Variants in CDH18 observed in about 807,000 individuals in gnomAD.
CDH18 encodes the protein cadherin-18.
Under a neutral mutation model 67.9 loss-of-function variants are expected in CDH18, and 31 were observed. The observed-to-expected ratio is 0.46, with a 90% CI of 0.34 to 0.62. The LOEUF (loss-of-function observed/expected upper bound fraction) is 0.62, where lower values mean the gene tolerates loss of function less well. Among genes scored for constraint, CDH18 ranks in the 20% least tolerant of loss-of-function variants. The pLI is 0.01. For synonymous variants in CDH18, 362 were observed against 347.2 expected (o/e 1.04, Z -0.48); for missense variants, 890 against 975.5 (o/e 0.91, Z 1.17).
chr5:20,249,035 A>G (rs1580580297), intron 2 of CDH18, among the ~76,000 whole-genome samples: 1 of 152,318 alleles, frequency 6.6e-6, no homozygotes, highest in Admixed American at 6.5e-5. Flanking sequence ...AAAGTCATAT[A>G]GAAATAAACA....
chr5:19,752,150 A>C (rs924376076), intron 3 of CDH18, among the ~76,000 whole-genome samples: 2 of 152,174 alleles, frequency 1.3e-5, no homozygotes, highest in South Asian at 2.1e-4. Context: ...AGCAAAATAC[A>C]GGGGTAGAGG....
intron 7 of CDH18, among the ~76,000 whole-genome samples, chr5:19,582,755 G>A (rs1211782087): frequency 1.3e-5 from 2 of 151,838 alleles, no homozygotes; most frequent in Non-Finnish European, 2.9e-5. Context: ...ATTCACAATG[G>A]GTTGGGATGA....
intron 2 of CDH18, among the ~76,000 whole-genome samples, chr5:20,163,947 T>C (rs1736087992): frequency 6.6e-6 from 1 of 152,194 alleles, no homozygotes; most frequent in African/African-American, 2.4e-5. Flanking sequence ...ATAATACTTA[T>C]CACTGAAGAT....
At chr5:19,604,581 T>C (rs1460851472) in intron 6 of CDH18, among the ~76,000 whole-genome samples, 1 of 146,388 alleles carries the variant, frequency 6.8e-6, no homozygotes, top group Non-Finnish European at 1.5e-5. Flanking sequence ...ACACACAAAG[T>C]ATTCTGAGAT....
chr5:19,473,312 C>T lies in CDH18; in HGVS notation c.2287G>A (p.Asp763Asn), dbSNP rs754373165. The change falls in exon 13 of 13, where the codon GAT becomes AAT. Residue 763 changes from aspartate (D) to asparagine (N), a missense_variant. By Grantham distance (23) the Asp-to-Asn change is conservative. Transcript: ENST00000382275. ...LDSATTQSDQ[D>N]YHYLGDWGPE... is the part of the protein sequence containing the mutation. ...CCCCAGTCTCCAAGGTAGTGATAAT[C>T]CTGGTCTGATTGTGTCGTTGCTGAA... is the stretch of plus-strand genomic sequence containing the variant. The T allele has an allele frequency of 6.2e-6, 10 of 1,613,820 alleles. No homozygotes were observed. Among genetic ancestry groups the T allele is most frequent in the African/African-American group, 1.3e-5 (1 of 74,996 alleles).
intron 2 of CDH18, among the ~76,000 whole-genome samples, chr5:20,216,625 A>G (rs1337983077): frequency 6.6e-6 from 1 of 151,906 alleles, no homozygotes; most frequent in Non-Finnish European, 1.5e-5. Flanking sequence ...ATGATTTTTC[A>G]TAAGATTTTA....
Position 20,516,889 on chromosome 5 carries a change from A to G in CDH18, c.-580+58573T>C, listed in dbSNP as rs79200632. ...ATGTTGACAAATTACGTGTTTTCAA[A>G]TCTTGAAGACAAGTTCAAGTGTGAT... On this transcript the variant is annotated intron_variant, in intron 1 of 14. Transcript: ENST00000507958. Among the ~76,000 whole-genome samples, 1,037 of 152,062 alleles carry G rather than the reference A, an allele frequency of 6.8e-3. 12 individuals are homozygous for G. The highest frequency in any genetic ancestry group is 0.022 in the African/African-American group (904 of 41,554).
intron 1 of CDH18, among the ~76,000 whole-genome samples, chr5:20,288,673 A>T (rs1746871708): frequency 6.6e-6 from 1 of 151,800 alleles, no homozygotes; most frequent in African/African-American, 2.4e-5. Context: ...ATTTAATTTG[A>T]TCATAATAGA....
intron 2 of CDH18, among the ~76,000 whole-genome samples, chr5:20,004,674 A>G (rs1471179403): frequency 6.6e-6 from 1 of 152,222 alleles, no homozygotes; most frequent in Non-Finnish European, 1.5e-5. Context: ...AAGATGTCAA[A>G]CCTTTATAAA....
intron 3 of CDH18, among the ~76,000 whole-genome samples, chr5:19,747,986 G>T (rs1218168011): frequency 2.0e-5 from 3 of 150,002 alleles, no homozygotes; most frequent in African/African-American, 7.3e-5. Flanking sequence ...GGTGGCGGGC[G>T]CCTGTAGTCC....
At chr5:20,251,418 T>C (rs1296073139) in intron 2 of CDH18, among the ~76,000 whole-genome samples, 1 of 152,204 alleles carries the variant, frequency 6.6e-6, no homozygotes, top group Non-Finnish European at 1.5e-5. Flanking sequence ...ATTAGATAAT[T>C]AAGCCATGTA....
At chr5:20,543,310 A>AT (rs1368427527) in intron 1 of CDH18, among the ~76,000 whole-genome samples, 1 of 151,910 alleles carries the variant, frequency 6.6e-6, no homozygotes, top group Non-Finnish European at 1.5e-5. Flanking sequence ...ATATTTTTCT[A>AT]TTTTTTCTCA....
intron 2 of CDH18, among the ~76,000 whole-genome samples, chr5:20,091,663 G>C (rs896629249): frequency 2.7e-5 from 4 of 150,930 alleles, no homozygotes; most frequent in Admixed American, 2.0e-4. Flanking sequence ...TAATTCACTT[G>C]AATTTTGCAT....
chr5:20,199,916 T>C (rs1397100843), intron 2 of CDH18, among the ~76,000 whole-genome samples: 3 of 152,274 alleles, frequency 2.0e-5, no homozygotes, highest in Admixed American at 6.5e-5. Context: ...GAAGGTGACT[T>C]CCTCCCCTTT....
intron 3 of CDH18, among the ~76,000 whole-genome samples, chr5:19,772,005 C>T (rs1053521696): frequency 6.6e-6 from 1 of 152,158 alleles, no homozygotes; most frequent in African/African-American, 2.4e-5. Flanking sequence ...TTATAGCTTA[C>T]TAATGAATGT....
At chr5:20,459,112 G>C (rs1327056837) in intron 1 of CDH18, among the ~76,000 whole-genome samples, 1 of 152,212 alleles carries the variant, frequency 6.6e-6, no homozygotes, top group Non-Finnish European at 1.5e-5. Context: ...ACAGTGCTTT[G>C]CACTTGTAGG....
At chr5:19,976,743 C>A (rs1456108659) in intron 2 of CDH18, among the ~76,000 whole-genome samples, 1 of 151,734 alleles carries the variant, frequency 6.6e-6, no homozygotes, top group Non-Finnish European at 1.5e-5. Context: ...AAAAGAATAC[C>A]TACAAATTTC....
At chr5:19,599,668 C>T (rs1373293986) in intron 6 of CDH18, among the ~76,000 whole-genome samples, 1 of 151,930 alleles carries the variant, frequency 6.6e-6, no homozygotes, top group African/African-American at 2.4e-5. Context: ...TTTGGGAGGC[C>T]GAGGCGGGCA....
chr5:20,564,902 T>C (rs955058918), intron 1 of CDH18, among the ~76,000 whole-genome samples: 5 of 152,196 alleles, frequency 3.3e-5, no homozygotes, highest in African/African-American at 1.2e-4. Flanking sequence ...GAGTTCATTA[T>C]GATTTAAATG....
Sources: allele counts gnomAD v4.1 joint callset (sites outside exome capture counted in the v4.1 genomes callset), GRCh38; gene constraint gnomAD v4.1.1; transcripts MANE v1.5; gene names NCBI Gene and HGNC (gene_info 2026-07-23, HGNC 2026-07-21).